The following CFAP92 variants were observed in gnomAD, a reference collection of about 807,000 sequenced individuals.
CFAP92 encodes the protein uncharacterized protein CFAP92.
A neutral mutation model predicts 106.3 loss-of-function variants in CFAP92; 86 were observed. The ratio of observed to expected loss-of-function variants is 0.81; its 90% CI spans 0.68 to 0.97. The LOEUF is 0.97. Ranked by LOEUF, CFAP92 falls within the 50% of genes least tolerant of loss-of-function variation. The probability of loss-of-function intolerance (pLI) is 0.00; values close to 1 mark genes in which losing one functional copy is unlikely to be tolerated. For synonymous variants in CFAP92, 477 were observed against 506.4 expected (o/e 0.94, Z 0.78); for missense variants, 1,204 against 1,283.8 (o/e 0.94, Z 0.95).
chr3:128,947,402 T>A (rs2107732589), intron 9 of CFAP92, among the ~76,000 whole-genome samples: 1 of 152,306 alleles, frequency 6.6e-6, no homozygotes, highest in South Asian at 2.1e-4. Context: ...ATAAACTGAT[T>A]CTAAAATTTG....
At chr3:128,980,238 G>A (rs994641682) in intron 4 of CFAP92, among the ~76,000 whole-genome samples, 6 of 151,656 alleles carry the variant, frequency 4.0e-5, no homozygotes, top group Admixed American at 2.6e-4. Context: ...ATGGTGGCAT[G>A]CACCTGTAAT....
chr3:128,916,075 C>T, intron 13 of CFAP92, 32 bp downstream of exon 13: 1 of 1,230,860 alleles, frequency 8.1e-7, no homozygotes. Flanking sequence ...ATGGGATTTG[C>T]CAACTGCCAT....
At chr3:128,990,535 C>A (rs1373808546) in intron 2 of CFAP92, among the ~76,000 whole-genome samples, 1 of 152,150 alleles carries the variant, frequency 6.6e-6, no homozygotes, top group Non-Finnish European at 1.5e-5. Context: ...TGATCATATT[C>A]TCAAAGATAA....
At position 129,002,378 on chromosome 3, in the gene CFAP92, A is replaced by T. The variant is rs374363768; in HGVS notation, n.117+196T>A. ...TAACGCCCGGGAGAGGGCTCGAACTAAAAGCTGGCTGGCTGCGGAGCCCGA... is the reference window on the plus strand; with the variant it reads ...TAACGCCCGGGAGAGGGCTCGAACTTAAAGCTGGCTGGCTGCGGAGCCCGA... On this transcript the variant is annotated intron_variant and non_coding_transcript_variant, in intron 1 of 4. Transcript: ENST00000510149. 9.5e-5 allele frequency: 141 copies of T among 1,483,132 alleles called. No homozygotes were observed. In the South Asian group the frequency reaches 9.6e-4, roughly 10 times the overall value. The allele number at this position is 1,483,132 out of a possible 1,614,324, so 91.9% of individuals were successfully genotyped here.
intron 10 of CFAP92, among the ~76,000 whole-genome samples, chr3:128,942,171 A>G (rs540210198): frequency 3.9e-4 from 59 of 152,208 alleles, no homozygotes; most frequent in African/African-American, 1.4e-3. Context: ...ACTTACTGAA[A>G]ATGAGTTCTA....
At chr3:129,021,010 G>A in the CFAP92 span, among the ~76,000 whole-genome samples, 1 of 152,204 alleles carries the variant, frequency 6.6e-6, no homozygotes, top group African/African-American at 2.4e-5. Context: ...GCATCTCCTT[G>A]GGAGCAGTAT....
intron 12 of CFAP92, among the ~76,000 whole-genome samples, chr3:128,919,778 G>A (rs1036335191): frequency 3.3e-5 from 5 of 152,224 alleles, no homozygotes; most frequent in Admixed American, 3.3e-4. Flanking sequence ...ATGCTGCATT[G>A]CTAGAGAAAC....
intron 4 of CFAP92, among the ~76,000 whole-genome samples, chr3:128,980,802 G>A (rs1467104186): frequency 3.3e-5 from 5 of 152,152 alleles, no homozygotes; most frequent in African/African-American, 4.8e-5. Context: ...TCATGAGACT[G>A]CAGCAATTCA....
chr3:129,015,054 A>C, the CFAP92 span, among the ~76,000 whole-genome samples: 1 of 152,168 alleles, frequency 6.6e-6, no homozygotes, highest in African/African-American at 2.4e-5. Flanking sequence ...ACCACGGACC[A>C]CACAGCATCA....
intron 2 of CFAP92, 53 bp downstream of exon 2, chr3:128,992,990 A>G (rs1162462984): frequency 6.2e-6 from 10 of 1,600,476 alleles, no homozygotes; most frequent in Non-Finnish European, 8.6e-6. Context: ...TCCTGCAGAA[A>G]GTCATGCACC....
At chr3:128,918,565 G>A (rs762060603) in intron 12 of CFAP92, among the ~76,000 whole-genome samples, 10 of 152,182 alleles carry the variant, frequency 6.6e-5, no homozygotes, top group Non-Finnish European at 1.3e-4. Flanking sequence ...AGTAATGTCC[G>A]ATAGCCTAGT....
intron 1 of CFAP92, chr3:129,001,620 G>A (rs898853214): frequency 7.4e-7 from 1 of 1,350,920 alleles, no homozygotes; most frequent in Non-Finnish European, 9.5e-7. Flanking sequence ...CGAGGCGCGC[G>A]GCGCAGCGAT....
intron 4 of CFAP92, among the ~76,000 whole-genome samples, chr3:128,981,197 C>T (rs553416332): frequency 4.1e-4 from 63 of 151,892 alleles, no homozygotes; most frequent in Admixed American, 1.3e-3. Context: ...CCACCACACC[C>T]GGCTAATTTT....
chr3:128,996,975 C>T (rs1426896054), upstream of CFAP92, among the ~76,000 whole-genome samples: 1 of 152,238 alleles, frequency 6.6e-6, no homozygotes, highest in Non-Finnish European at 1.5e-5. Flanking sequence ...GAAGAAGTTG[C>T]AAGGCCTCTT....
At chr3:128,980,383 A>AG (rs1400229665) in intron 4 of CFAP92, among the ~76,000 whole-genome samples, 1 of 151,586 alleles carries the variant, frequency 6.6e-6, no homozygotes, top group Admixed American at 6.6e-5. Flanking sequence ...AAAAAAAAAA[A>AG]AAAAGCTAAC....
chr3:128,963,355 G>A (rs56003704), intron 9 of CFAP92, among the ~76,000 whole-genome samples: 5,797 of 152,308 alleles, frequency 0.038, 164 homozygotes, highest in Non-Finnish European at 0.06. Flanking sequence ...TGCAGCGGCT[G>A]CCGCTGCTTT....
chr3:128,964,978 A>T (rs199783504), intron 9 of CFAP92, among the ~76,000 whole-genome samples: 110 of 144,826 alleles, frequency 7.6e-4, no homozygotes, highest in Non-Finnish European at 1.3e-3. Flanking sequence ...CTCTGAGCCC[A>T]GGCCAGGCCA....
At chr3:129,011,677 G>A in the CFAP92 span, among the ~76,000 whole-genome samples, 2 of 152,186 alleles carry the variant, frequency 1.3e-5, no homozygotes, top group Non-Finnish European at 2.9e-5. Flanking sequence ...AGGAGGAGCC[G>A]TGGGCTCTCT....
At chr3:128,979,944 AATAATAT>A (rs543910562) in intron 4 of CFAP92, among the ~76,000 whole-genome samples, 1,317 of 97,766 alleles carry the variant, frequency 0.013, 25 homozygotes, top group African/African-American at 0.044. Context: ...CTTAAAGTAT[AATAATAT>A]ATATATATAT....
Sources: allele counts gnomAD v4.1 joint callset (sites outside exome capture counted in the v4.1 genomes callset), GRCh38; gene constraint gnomAD v4.1.1; transcripts MANE v1.5; gene names NCBI Gene and HGNC (gene_info 2026-07-23, HGNC 2026-07-21).